SLC35D4: variants seen among roughly 807,000 people sequenced by gnomAD.
The protein encoded by SLC35D4 is UDP-N-acetylglucosamine transporter SLC35D4.
chr18:23,278,097 G>C, the SLC35D4 span, among the ~76,000 whole-genome samples: 712 of 152,216 alleles, frequency 4.7e-3, 8 homozygotes, highest in African/African-American at 0.016. Context: ...AGGGAAGGGA[G>C]GAAAAATGGG....
the SLC35D4 span, among the ~76,000 whole-genome samples, chr18:23,377,289 A>G: frequency 1.3e-4 from 20 of 152,330 alleles, no homozygotes; most frequent in Non-Finnish European, 2.4e-4. Context: ...TCCACCACGG[A>G]AAATATTAAA....
the SLC35D4 span, chr18:23,258,840 C>G: frequency 2.6e-5 from 4 of 152,162 alleles, no homozygotes; most frequent in African/African-American, 9.7e-5. Flanking sequence ...AGATTCTTGA[C>G]AGTCTTGGAG....
chr18:23,418,354 T>TTATTAC, the SLC35D4 span, among the ~76,000 whole-genome samples: 1 of 144,168 alleles, frequency 6.9e-6, no homozygotes, highest in Non-Finnish European at 1.5e-5. Flanking sequence ...GCCAAAATTA[T>TTATTAC]TATTATTATT....
the SLC35D4 span, among the ~76,000 whole-genome samples, chr18:23,279,445 G>A: frequency 6.6e-6 from 1 of 152,174 alleles, no homozygotes; most frequent in Non-Finnish European, 1.5e-5. Flanking sequence ...TGAGTGCTAT[G>A]AGTCCCCTAA....
At chr18:23,310,478 C>T in the SLC35D4 span, among the ~76,000 whole-genome samples, 2 of 152,084 alleles carry the variant, frequency 1.3e-5, no homozygotes, top group Non-Finnish European at 2.9e-5. Context: ...CCGCTCTGTC[C>T]ACACTTGGAA....
the SLC35D4 span, among the ~76,000 whole-genome samples, chr18:23,390,102 A>G: frequency 1.3e-5 from 2 of 152,220 alleles, no homozygotes. Flanking sequence ...ACTTTTATAT[A>G]TTTAAACTTC....
chr18:23,312,587 G>T, the SLC35D4 span, among the ~76,000 whole-genome samples: 1 of 152,260 alleles, frequency 6.6e-6, no homozygotes, highest in African/African-American at 2.4e-5. Context: ...CTGTGGGGTT[G>T]GACGGGCCCA....
chr18:23,373,219 G>C, the SLC35D4 span, among the ~76,000 whole-genome samples: 1 of 152,168 alleles, frequency 6.6e-6, no homozygotes, highest in Non-Finnish European at 1.5e-5. Flanking sequence ...GGAGGCTGAG[G>C]CAGGAGAATT....
chr18:23,356,717 C>T, the SLC35D4 span: 3 of 1,559,070 alleles, frequency 1.9e-6, no homozygotes, highest in Admixed American at 1.7e-5. The surrounding 1 kb of genome is among the most constrained non-coding windows in gnomAD (Gnocchi z 4.1). Flanking sequence ...ACATGACCCT[C>T]TGCCCCATTG....
the SLC35D4 span, among the ~76,000 whole-genome samples, chr18:23,363,334 T>C: frequency 1.4e-5 from 2 of 143,324 alleles, no homozygotes; most frequent in Non-Finnish European, 3.0e-5. Flanking sequence ...TCTGTGAACA[T>C]AACTTTCCAA....
the SLC35D4 span, chr18:23,376,737 C>G: frequency 2.2e-6 from 1 of 454,470 alleles, no homozygotes; most frequent in Non-Finnish European, 4.4e-6. Context: ...TCACCCCAAA[C>G]AGACAACCTC....
At chr18:23,244,116 T>C in the SLC35D4 span, among the ~76,000 whole-genome samples, 3 of 152,256 alleles carry the variant, frequency 2.0e-5, no homozygotes, top group Non-Finnish European at 4.4e-5. Flanking sequence ...TGCCACTGTT[T>C]CAGCAGCTTG....
the SLC35D4 span, chr18:23,356,526 G>T: frequency 1.3e-6 from 2 of 1,553,592 alleles, no homozygotes; most frequent in South Asian, 1.1e-5. This position sits in a 1 kb window ranked among gnomAD's most constrained non-coding sequence, Gnocchi z 4.1. Flanking sequence ...CAGTGACCCT[G>T]AACTTCACAG....
chr18:23,252,821 C>T, the SLC35D4 span: 32 of 585,744 alleles, frequency 5.5e-5, no homozygotes, highest in Non-Finnish European at 9.4e-5. Flanking sequence ...TGGATTCCGC[C>T]GAGCCCTTGT....
At chr18:23,276,138 A>T in the SLC35D4 span, among the ~76,000 whole-genome samples, 2 of 151,588 alleles carry the variant, frequency 1.3e-5, no homozygotes, top group Admixed American at 6.6e-5. Flanking sequence ...CCCAGCCTGG[A>T]GTGCAGTGGC....
chr18:23,403,155 T>G, the SLC35D4 span, among the ~76,000 whole-genome samples: 8,768 of 152,226 alleles, frequency 0.058, 330 homozygotes, highest in South Asian at 0.19. Flanking sequence ...GACTTTCAAT[T>G]AACCCACTAA....
At chr18:23,366,475 A>C in the SLC35D4 span, among the ~76,000 whole-genome samples, 1 of 152,114 alleles carries the variant, frequency 6.6e-6, no homozygotes, top group Admixed American at 6.5e-5. Context: ...TGGATGGCCT[A>C]CTCTGGTTCT....
chr18:23,267,708 C>T, the SLC35D4 span, among the ~76,000 whole-genome samples: 1 of 152,180 alleles, frequency 6.6e-6, no homozygotes. Context: ...GTCCCCTGCC[C>T]CATCCTCTTT....
the SLC35D4 span, among the ~76,000 whole-genome samples, chr18:23,285,219 T>C: frequency 6.6e-6 from 1 of 152,118 alleles, no homozygotes; most frequent in Non-Finnish European, 1.5e-5. Flanking sequence ...TGTCCTGCTT[T>C]TCTGGAGGGT....
Sources: allele counts gnomAD v4.1 joint callset (sites outside exome capture counted in the v4.1 genomes callset), GRCh38; gene constraint gnomAD v4.1.1; non-coding constraint Gnocchi (gnomAD v3.1); transcripts MANE v1.5; gene names NCBI Gene and HGNC (gene_info 2026-07-23, HGNC 2026-07-21).